Variants in TRAPPC9 observed in about 807,000 individuals in gnomAD.
The protein encoded by TRAPPC9 is IKK2 binding protein.
Under a neutral mutation model 124.0 loss-of-function variants are expected in TRAPPC9, and 83 were observed. The ratio of observed to expected loss-of-function variants is 0.67; its 90% confidence interval spans 0.56 to 0.80. TRAPPC9 has a LOEUF of 0.80. Ranked by LOEUF, TRAPPC9 falls within the 30% of genes least tolerant of loss-of-function variation. TRAPPC9 has a pLI of 0.00. For synonymous variants in TRAPPC9, 638 were observed against 617.5 expected, an observed-to-expected ratio of 1.03 and a Z score of -0.49; for missense variants, 1,302 against 1,508.3, an observed-to-expected ratio of 0.86 and a Z score of 2.27.
At chr8:140,422,346 A>T (rs913151105) in intron 5 of TRAPPC9, among the ~76,000 whole-genome samples, 4 of 152,254 alleles carry the variant, frequency 2.6e-5, no homozygotes, top group African/African-American at 9.6e-5. Context: ...TCCAAATTTA[A>T]AACTTGTATT....
chr8:139,905,131 G>A (rs1831268456), intron 20 of TRAPPC9, among the ~76,000 whole-genome samples: 1 of 152,142 alleles, frequency 6.6e-6, no homozygotes, highest in Admixed American at 6.5e-5. Context: ...AATAAGCCCA[G>A]CTCTCTGGGC....
chr8:140,189,497 A>G (rs904329301), intron 17 of TRAPPC9, among the ~76,000 whole-genome samples: 66 of 152,254 alleles, frequency 4.3e-4, no homozygotes, highest in African/African-American at 1.6e-3. Flanking sequence ...TGCATAGGAT[A>G]AGAAAATGCT....
intron 19 of TRAPPC9, among the ~76,000 whole-genome samples, chr8:139,976,267 C>T (rs146032487): frequency 1.9e-3 from 294 of 152,038 alleles, no homozygotes; most frequent in South Asian, 4.4e-3. Flanking sequence ...ACCTCACACC[C>T]GACACAAAAA....
intron 2 of TRAPPC9, among the ~76,000 whole-genome samples, chr8:140,449,208 A>C (rs1238054892): frequency 6.6e-6 from 1 of 152,194 alleles, no homozygotes; most frequent in East Asian, 1.9e-4. Flanking sequence ...GATAAATTTC[A>C]GAAACATACT....
intron 21 of TRAPPC9, among the ~76,000 whole-genome samples, chr8:139,814,232 T>C (rs928427830): frequency 6.6e-6 from 1 of 152,228 alleles, no homozygotes; most frequent in South Asian, 2.1e-4. Context: ...GAATTATGTC[T>C]GCTGGGAGAG....
intron 14 of TRAPPC9, among the ~76,000 whole-genome samples, chr8:140,279,431 A>T (rs1588082016): frequency 6.6e-6 from 1 of 152,262 alleles, no homozygotes; most frequent in Admixed American, 6.5e-5. Flanking sequence ...AAACTCAAAG[A>T]ATAGTCACAT....
At chr8:139,870,760 G>A (rs933124617) in intron 21 of TRAPPC9, among the ~76,000 whole-genome samples, 6 of 152,214 alleles carry the variant, frequency 3.9e-5, no homozygotes, top group Non-Finnish European at 7.3e-5. Context: ...CATGGGGAGA[G>A]GATCAGGGTT....
chr8:140,094,825 T>G (rs1844817683), intron 17 of TRAPPC9: 1 of 152,180 alleles, frequency 6.6e-6, no homozygotes, highest in Non-Finnish European at 1.5e-5. Context: ...CTAAGTTCCC[T>G]CATCTACAAA....
chr8:139,988,897 C>T, intron 18 of TRAPPC9, 61 bp from the exon 19 acceptor site: 1 of 1,174,016 alleles, frequency 8.5e-7, no homozygotes, highest in South Asian at 1.3e-5. Flanking sequence ...ATGACTTTCC[C>T]TTTTTCTCCT....
intron 21 of TRAPPC9, among the ~76,000 whole-genome samples, chr8:139,763,683 C>T (rs1444382667): frequency 6.6e-6 from 1 of 152,244 alleles, no homozygotes; most frequent in Non-Finnish European, 1.5e-5. Flanking sequence ...CGCGTGCACA[C>T]ACACGTCGAT....
At chr8:140,380,791 C>T (rs2132289533) in intron 7 of TRAPPC9, among the ~76,000 whole-genome samples, 1 of 151,486 alleles carries the variant, frequency 6.6e-6, no homozygotes, top group East Asian at 2.0e-4. Flanking sequence ...AACAAGAAAT[C>T]TTAATGACCT....
At chr8:139,737,100 C>T (rs1349376904) in intron 21 of TRAPPC9, among the ~76,000 whole-genome samples, 3 of 152,196 alleles carry the variant, frequency 2.0e-5, no homozygotes, top group South Asian at 4.1e-4. Flanking sequence ...CGTGAAAGCG[C>T]GGGTGCTGCT....
chr8:139,868,406 A>G (rs758819938), intron 21 of TRAPPC9, among the ~76,000 whole-genome samples: 26 of 152,308 alleles, frequency 1.7e-4, no homozygotes, highest in Non-Finnish European at 3.2e-4. Context: ...TCTTACTACC[A>G]TACTTGCAGC....
At position 140,097,831 on chromosome 8, in the gene TRAPPC9, G is replaced by A. The variant is rs1207976486; in HGVS notation, c.2557-73752C>T. On this transcript the variant is annotated intron_variant, in intron 17 of 22. Transcript: ENST00000438773. The surrounding 1 kb of genome is among the most constrained non-coding windows in gnomAD (Gnocchi z 4.2). ...CTCCCAGGGTCATGACGCCTACCCA[G>A]GTCCTTAGTGCGTGGCTACAGACGT... The A allele has an allele frequency of 6.6e-6, 1 of 152,216 alleles. No homozygotes were observed. The highest frequency in any genetic ancestry group is 1.5e-5 in the Non-Finnish European group (1 of 68,052). 9.4% of individuals were successfully genotyped at this position (152,216 alleles called of 1,614,324 possible).
chr8:140,001,449 A>G (rs1838398775), intron 18 of TRAPPC9, among the ~76,000 whole-genome samples: 1 of 152,176 alleles, frequency 6.6e-6, no homozygotes, highest in South Asian at 2.1e-4. Flanking sequence ...AAGCATAAGA[A>G]GGAGATAATA....
chr8:140,180,884 T>C (rs981503571), intron 17 of TRAPPC9, among the ~76,000 whole-genome samples: 6 of 152,198 alleles, frequency 3.9e-5, no homozygotes, highest in African/African-American at 1.4e-4. Context: ...CCATCCTGAC[T>C]GGGGTTTGTT....
intron 20 of TRAPPC9, among the ~76,000 whole-genome samples, chr8:139,895,309 A>C (rs1388540042): frequency 6.6e-6 from 1 of 152,232 alleles, no homozygotes; most frequent in African/African-American, 2.4e-5. Context: ...CCTATGAAAT[A>C]ATATGAGAAG....
chr8:140,431,925 A>G (rs1338229057), intron 4 of TRAPPC9, among the ~76,000 whole-genome samples: 2 of 152,244 alleles, frequency 1.3e-5, no homozygotes, highest in Non-Finnish European at 2.9e-5. Flanking sequence ...GCCTTCTGAC[A>G]TTGGAAGAAA....
At chr8:140,445,279 A>G (rs908783171) in intron 2 of TRAPPC9, among the ~76,000 whole-genome samples, 22 of 152,178 alleles carry the variant, frequency 1.4e-4, no homozygotes, top group African/African-American at 5.3e-4. Context: ...TTCGTGCCCC[A>G]GCACCTAGCA....
Sources: gnomAD v4.1 joint callset for allele counts (sites outside exome capture counted in the v4.1 genomes callset) on GRCh38, gnomAD v4.1.1 for gene constraint, Gnocchi (gnomAD v3.1) non-coding constraint, MANE v1.5 for transcripts, NCBI Gene and HGNC (gene_info 2026-07-23, HGNC 2026-07-21) for gene names.